Variants in ZNF106 observed in about 807,000 individuals in gnomAD.
The protein encoded by ZNF106 is SH3-domain binding protein 3.
A neutral mutation model predicts 195.1 loss-of-function variants in ZNF106; 67 were observed. That is an observed-to-expected ratio of 0.34 (90% CI 0.28 to 0.42). The LOEUF is 0.42. Among genes scored for constraint, ZNF106 ranks in the 10% least tolerant of loss-of-function variants. ZNF106 has a pLI of 1.00. For synonymous variants in ZNF106, 784 were observed against 818.6 expected (o/e 0.96, Z 0.72); for missense variants, 2,118 against 2,304.5 (o/e 0.92, Z 1.66).
intron 19 of ZNF106, among the ~76,000 whole-genome samples, 169 bp from the exon 20 acceptor site, chr15:42,421,301 T>C (rs916812729): frequency 6.6e-6 from 1 of 152,172 alleles, no homozygotes; most frequent in Non-Finnish European, 1.5e-5. Context: ...TCTTCTAGTC[T>C]AGGTATTTTG....
intron 4 of ZNF106, 42 bp from the exon 5 acceptor site, chr15:42,451,996 C>G: frequency 2.6e-6 from 4 of 1,562,132 alleles, no homozygotes; most frequent in Non-Finnish European, 2.6e-6. Flanking sequence ...TAAAGGAATT[C>G]CTATGCTACC....
At position 42,479,140 on chromosome 15, in the gene ZNF106, G is replaced by A. The variant is rs562668821; in HGVS notation, c.-32-6819C>T. ...TATAATCCCAGTACTTTGGGAGGCCGAGGTGGGTGGATCACCTGAGGTCAG... is the reference window on the plus strand; with the variant it reads ...TATAATCCCAGTACTTTGGGAGGCCAAGGTGGGTGGATCACCTGAGGTCAG... On this transcript the variant is annotated intron_variant, in intron 1 of 21. Coordinates refer to ENST00000564754, the MANE Select transcript of ZNF106 (RefSeq NM_001366845.3). Among the ~76,000 whole-genome samples, 118 of 152,050 alleles carry A rather than the reference G, an allele frequency of 7.8e-4. 2 individuals are homozygous for A. The highest frequency in any genetic ancestry group is 1.2e-3 in the South Asian group (6 of 4,816).
At position 42,448,513 on chromosome 15, in the gene ZNF106, G is replaced by C; in HGVS notation, c.2694C>G (p.Ser898Arg). The change falls in exon 6 of 22, where the codon AGC becomes AGG. Residue 898 changes from serine (S) to arginine (R), a missense_variant. By Grantham distance (110) the Ser-to-Arg change is moderately radical. Transcript: ENST00000564754. ...TGCCTGTACCTTCCTCACTGAAGAAGCTATACACAGAAGGAGCTCTGTCCA... is the reference window on the plus strand; with the variant it reads ...TGCCTGTACCTTCCTCACTGAAGAACCTATACACAGAAGGAGCTCTGTCCA... Reference protein sequence around the residue: ...VIMDRAPSVYSFFSEEGTGKE... With the variant: ...VIMDRAPSVYRFFSEEGTGKE... 1 of 1,614,106 alleles carries C rather than the reference G, an allele frequency of 6.2e-7. No homozygotes were observed. Among genetic ancestry groups the C allele is most frequent in the Non-Finnish European group, 8.5e-7 (1 of 1,180,016 alleles).
intron 20 of ZNF106, among the ~76,000 whole-genome samples, chr15:42,419,071 A>T (rs1399685822): frequency 1.3e-5 from 2 of 151,200 alleles, no homozygotes; most frequent in Non-Finnish European, 3.0e-5. Flanking sequence ...ACCAAAAAAA[A>T]AAAAAAAAAA....
chr15:42,477,162 T>C (rs2141436760), intron 1 of ZNF106, among the ~76,000 whole-genome samples: 1 of 152,308 alleles, frequency 6.6e-6, no homozygotes, highest in Non-Finnish European at 1.5e-5. Flanking sequence ...TCTTTTTCTA[T>C]TTCTTAATTT....
At chr15:42,472,188 T>C (rs933436176) in intron 2 of ZNF106, 48 bp downstream of exon 2, 16 of 1,502,758 alleles carry the variant, frequency 1.1e-5, no homozygotes, top group Non-Finnish European at 1.4e-5. Context: ...AACATGTCTC[T>C]TTAAAAAATA....
chr15:42,421,997 G>GAAA lies in ZNF106; in HGVS notation c.5374-12_5374-10dup, dbSNP rs542359029. On this transcript the variant is annotated splice_polypyrimidine_tract_variant and intron_variant, in intron 18 of 21. Coordinates refer to ENST00000564754, the MANE Select transcript of ZNF106 (RefSeq NM_001366845.3). ...TGTAATCGATCATGAGACTTAGGCA[G>GAAA]AAAAAAAAAAAGAGAATTGAAGTTA... 21 of 1,258,028 alleles carry GAAA rather than the reference G, an allele frequency of 1.7e-5. No individual in the cohort carries two copies. The highest frequency in any genetic ancestry group is 7.6e-5 in the South Asian group (5 of 66,020). 77.9% of individuals were successfully genotyped at this position (1,258,028 alleles called of 1,614,324 possible). A position where few individuals can be genotyped will look rare whatever the true frequency, so the allele number is the denominator to read the frequency against.
At position 42,442,365 on chromosome 15, in the gene ZNF106, T is replaced by C; in HGVS notation, c.3471A>G (p.Thr1157=). The part of the protein sequence containing the change: ...EHPDQVPCSL[T]RERRNSRSQT... The stretch of plus-strand genomic sequence containing the variant: ...GAGATCTACTGTTCCTTCGTTCTCG[T>C]GTGAGGCTACAGGGAACCTGGTCTG... Residue 1157 remains threonine, a synonymous_variant, in exon 10 of 22, where the codon ACA becomes ACG. Transcript: ENST00000564754. 3.1e-6 allele frequency: 5 copies of C among 1,614,152 alleles called. No homozygotes were observed. The highest frequency in any genetic ancestry group is 4.2e-6 in the Non-Finnish European group (5 of 1,180,006).
chr15:42,431,759 G>A (rs945776162), intron 14 of ZNF106, among the ~76,000 whole-genome samples: 3 of 151,506 alleles, frequency 2.0e-5, no homozygotes, highest in Admixed American at 6.6e-5. Context: ...CAGGCATTAA[G>A]CCAACCACAG....
In ZNF106 at chr15:42,451,153, C is replaced by T. The variant is rs776731377; in HGVS notation, c.1119G>A (p.Thr373=). The T allele has an allele frequency of 3.7e-5, 59 of 1,614,026 alleles. No homozygotes were observed. Among genetic ancestry groups the T allele is most frequent in the Non-Finnish European group, 4.4e-5 (52 of 1,180,040 alleles). ...CCAGAGTCTTCTGAGAAGGGTAAGGCGTCCAGCGACGAGGCTTTTCCCTTG... is the reference window on the plus strand; with the variant it reads ...CCAGAGTCTTCTGAGAAGGGTAAGGTGTCCAGCGACGAGGCTTTTCCCTTG... ...SAAREKPRRW[T]PYPSQKTLDL... Residue 373 remains threonine, a synonymous_variant, in exon 5 of 22, where the codon ACG becomes ACA. Transcript: ENST00000564754.
At chr15:42,465,328 G>A (rs551981965) in intron 3 of ZNF106, among the ~76,000 whole-genome samples, 1 of 152,144 alleles carries the variant, frequency 6.6e-6, no homozygotes, top group East Asian at 1.9e-4. Flanking sequence ...CCAGGCTGGA[G>A]GGCAGTGGCA....
In ZNF106 at chr15:42,424,816, C is replaced by T. The variant is rs1390159692; in HGVS notation, c.5190+18G>A. The T allele has an allele frequency of 9.9e-6, 16 of 1,610,024 alleles. No individual in the cohort carries two copies. Among genetic ancestry groups the T allele is most frequent in the Non-Finnish European group, 1.4e-5 (16 of 1,177,034 alleles). On this transcript the variant is annotated intron_variant, in intron 16 of 21. Coordinates refer to ENST00000564754, the MANE Select transcript of ZNF106 (RefSeq NM_001366845.3). ...CTATTTGTGCCAGACAACTCCGATTCTCTTGCACTGTACTTGCCTTCATGC... is the reference window on the plus strand; with the variant it reads ...CTATTTGTGCCAGACAACTCCGATTTTCTTGCACTGTACTTGCCTTCATGC...
rs757185158 is a variant in ZNF106, at chr15:42,451,562, G to A, written c.710C>T (p.Ser237Phe). The part of the protein sequence containing the change: ...SWLSEGTGGF[S>F]SWHMNNSNGN... ...GTTACTGTTGTTCATATGCCAACTGGAAAAGCCACCTGTTCCTTCAGAAAG... is the reference window on the plus strand; with the variant it reads ...GTTACTGTTGTTCATATGCCAACTGAAAAAGCCACCTGTTCCTTCAGAAAG... Residue 237 changes from serine to phenylalanine, a missense_variant, in exon 5 of 22, where the codon TCC (serine) becomes TTC (phenylalanine). Physicochemically the swap from Ser to Phe is radical, Grantham distance 155. Transcript: ENST00000564754. 7 of 1,614,064 alleles carry A rather than the reference G, an allele frequency of 4.3e-6. No homozygotes were observed. The highest frequency in any genetic ancestry group is 5.9e-6 in the Non-Finnish European group (7 of 1,180,008).
chr15:42,422,455 CA>C, intron 18 of ZNF106, 45 bp downstream of exon 18: 1 of 1,594,900 alleles, frequency 6.3e-7, no homozygotes, highest in Non-Finnish European at 8.5e-7. Flanking sequence ...CCCAAATAGA[CA>C]ATCTCCCCAA....
At chr15:42,458,200 T>TA (rs373411904) in intron 3 of ZNF106, among the ~76,000 whole-genome samples, 1,977 of 148,298 alleles carry the variant, frequency 0.013, 18 homozygotes, top group African/African-American at 0.031. Flanking sequence ...GCCAATCTAT[T>TA]AAAAAAAAAA....
intron 2 of ZNF106, among the ~76,000 whole-genome samples, chr15:42,469,858 C>CAAAAAAAAAAAAAAAAAA (rs879787963): frequency 1.2e-5 from 1 of 85,982 alleles, no homozygotes; most frequent in Admixed American, 1.2e-4. Flanking sequence ...AAAACAACAA[C>CAAAAAAAAAAAAAAAAAA]AAAAAAAAAA....
At chr15:42,461,210 T>C (rs978482127) in intron 3 of ZNF106, among the ~76,000 whole-genome samples, 1 of 152,248 alleles carries the variant, frequency 6.6e-6, no homozygotes, top group African/African-American at 2.4e-5. Flanking sequence ...GGAAACCATG[T>C]TTTAAAAGCC....
At chr15:42,457,553 T>C in intron 3 of ZNF106, 1 of 1,049,130 alleles carries the variant, frequency 9.5e-7, no homozygotes, top group Non-Finnish European at 1.2e-6. Context: ...GTGACAGCGC[T>C]TACATTTAAT....
intron 2 of ZNF106, among the ~76,000 whole-genome samples, chr15:42,466,852 C>G (rs1219555259): frequency 6.6e-6 from 1 of 152,094 alleles, no homozygotes; most frequent in African/African-American, 2.4e-5. Context: ...AACATGCACA[C>G]GGCTGGGCGT....
Sources: allele counts gnomAD v4.1 joint callset (sites outside exome capture counted in the v4.1 genomes callset), GRCh38; gene constraint gnomAD v4.1.1; transcripts MANE v1.5; gene names NCBI Gene and HGNC (gene_info 2026-07-23, HGNC 2026-07-21).